The following BRINP3 variants were observed in gnomAD, a reference collection of about 807,000 sequenced individuals.
BRINP3 encodes the protein BMP/retinoic acid inducible neural specific 3, also known as BMP/retinoic acid-inducible neural-specific protein 3.
A neutral mutation model predicts 71.0 loss-of-function variants in BRINP3; 19 were observed. That is an observed-to-expected ratio of 0.27 (90% CI 0.19 to 0.39). The LOEUF (loss-of-function observed/expected upper bound fraction) is 0.39. Ranked by LOEUF, BRINP3 falls within the 10% of genes least tolerant of loss-of-function variation. The pLI is 1.00. For synonymous variants in BRINP3, 380 were observed against 337.7 expected (o/e 1.13, Z -1.37); for missense variants, 959 against 940.8 (o/e 1.02, Z -0.25).
rs1426543429 is a variant in BRINP3, at chr1:190,288,636, CTT to C, written c.237-6888_237-6887del. ...ACATTTTGAAGTAAAATTTGTAAAA[CTT>C]AACTACAGTAGTACAGATAACATGG... On this transcript the variant is annotated intron_variant, in intron 2 of 7. Coordinates refer to ENST00000367462, the MANE Select transcript of BRINP3 (RefSeq NM_199051.3). 2.0e-5 allele frequency among the ~76,000 whole-genome samples: 3 copies of C among 151,850 alleles called. No homozygotes were observed. The East Asian group carries it at 5.8e-4, about 29-fold the overall frequency.
chr1:190,132,408 T>A (rs1654616722), intron 7 of BRINP3, among the ~76,000 whole-genome samples: 1 of 152,100 alleles, frequency 6.6e-6, no homozygotes, highest in African/African-American at 2.4e-5. Flanking sequence ...TTATCTTAGA[T>A]ATTTGTATTA....
intron 2 of BRINP3, among the ~76,000 whole-genome samples, chr1:190,375,529 A>G (rs1670130022): frequency 6.6e-6 from 1 of 151,988 alleles, no homozygotes; most frequent in African/African-American, 2.4e-5. Flanking sequence ...TACAGATAAA[A>G]AGCCTAGCAT....
intron 7 of BRINP3, among the ~76,000 whole-genome samples, chr1:190,139,794 AG>A (rs1404295732): frequency 6.6e-6 from 1 of 152,174 alleles, no homozygotes; most frequent in Non-Finnish European, 1.5e-5. Flanking sequence ...GGCAACATTT[AG>A]TGTTACCTTT....
intron 2 of BRINP3, among the ~76,000 whole-genome samples, chr1:190,323,262 A>T (rs517850): frequency 0.4 from 61,046 of 151,750 alleles, 13,142 homozygotes; most frequent in Non-Finnish European, 0.49. Flanking sequence ...AATTTTTATT[A>T]TTATAATTTT....
chr1:190,292,970 T>A (rs1663981114), intron 2 of BRINP3, among the ~76,000 whole-genome samples: 1 of 152,020 alleles, frequency 6.6e-6, no homozygotes, highest in African/African-American at 2.4e-5. Flanking sequence ...TTCATCTTTT[T>A]AAAAATATTA....
intron 2 of BRINP3, among the ~76,000 whole-genome samples, chr1:190,316,531 TA>T (rs1198753490): frequency 2.6e-5 from 4 of 152,066 alleles, no homozygotes; most frequent in African/African-American, 9.7e-5. Flanking sequence ...ACACAGATAA[TA>T]TTAATATGGT....
chr1:190,431,192 C>A (rs1479574460), intron 2 of BRINP3, among the ~76,000 whole-genome samples: 1 of 152,008 alleles, frequency 6.6e-6, no homozygotes, highest in South Asian at 2.1e-4. Context: ...GAAAATTTGA[C>A]TAATACATTT....
At chr1:190,392,594 A>T (rs1671320535) in intron 2 of BRINP3, among the ~76,000 whole-genome samples, 1 of 151,654 alleles carries the variant, frequency 6.6e-6, no homozygotes, top group African/African-American at 2.4e-5. Context: ...CCTTTCCAAT[A>T]TAAAAGTTAT....
At chr1:190,460,200 T>C (rs2102655764) in intron 1 of BRINP3, among the ~76,000 whole-genome samples, 1 of 151,480 alleles carries the variant, frequency 6.6e-6, no homozygotes, top group Non-Finnish European at 1.5e-5. Context: ...TTTCAAATAA[T>C]ACGATACATA....
At chr1:190,306,655 G>T (rs1665120949) in intron 2 of BRINP3, among the ~76,000 whole-genome samples, 2 of 151,820 alleles carry the variant, frequency 1.3e-5, no homozygotes, top group East Asian at 1.9e-4. Flanking sequence ...AGTCTAGCTG[G>T]ATGGATCAGT....
At position 190,160,775 on chromosome 1, in the gene BRINP3, C is replaced by T. The variant is rs1052843669; in HGVS notation, c.1077G>A (p.Glu359=). 1.9e-6 allele frequency: 3 copies of T among 1,613,580 alleles called. No individual in the cohort carries two copies. The highest frequency in any genetic ancestry group is 1.7e-6 in the Non-Finnish European group (2 of 1,179,698). ...SNFQRRYEQL[E]NSMKQLFLKA... Reference sequence around the variant, plus strand: ...TTAGGAAAAGTTGTTTCATGCTGTTCTCCAGTTGTTCATAACGGCGCTGAA... The same window carrying T: ...TTAGGAAAAGTTGTTTCATGCTGTTTTCCAGTTGTTCATAACGGCGCTGAA... Residue 359 remains glutamate, a synonymous_variant, in exon 7 of 8, where the codon GAG becomes GAA. Coordinates refer to ENST00000367462, the MANE Select transcript of BRINP3 (RefSeq NM_199051.3).
chr1:190,459,486 C>T (rs904939686), intron 1 of BRINP3, among the ~76,000 whole-genome samples: 32 of 151,662 alleles, frequency 2.1e-4, no homozygotes, highest in East Asian at 1.7e-3. Context: ...TCCAGTAGAA[C>T]TGAAACTACA....
chr1:190,351,185 C>CT (rs534957246), intron 2 of BRINP3, among the ~76,000 whole-genome samples: 43 of 151,904 alleles, frequency 2.8e-4, no homozygotes, highest in Middle Eastern at 6.8e-3. Flanking sequence ...GAATAAAAAC[C>CT]TTTTCTCATT....
At chr1:190,101,697 T>A (rs1171570321) in intron 7 of BRINP3, among the ~76,000 whole-genome samples, 1 of 152,186 alleles carries the variant, frequency 6.6e-6, no homozygotes, top group Non-Finnish European at 1.5e-5. Context: ...TATATTTTCT[T>A]CCCTGAAACC....
chr1:190,173,045 T>C (rs1177733014), intron 6 of BRINP3, among the ~76,000 whole-genome samples: 2 of 152,218 alleles, frequency 1.3e-5, no homozygotes, highest in Non-Finnish European at 2.9e-5. Context: ...CTTCTCTACA[T>C]CTTCATGTGA....
chr1:190,277,428 T>C (rs1433693030), intron 3 of BRINP3, among the ~76,000 whole-genome samples: 1 of 151,514 alleles, frequency 6.6e-6, no homozygotes, highest in East Asian at 2.0e-4. Context: ...GATAACGCTA[T>C]ATAATTCAGG....
At chr1:190,250,637 G>C (rs570388359) in intron 4 of BRINP3, among the ~76,000 whole-genome samples, 3 of 152,044 alleles carry the variant, frequency 2.0e-5, no homozygotes, top group Middle Eastern at 3.4e-3. Flanking sequence ...TAGGAAATAA[G>C]AGACTCTCCA....
At chr1:190,162,418 C>T (rs1332996975) in intron 6 of BRINP3, among the ~76,000 whole-genome samples, 2 of 152,026 alleles carry the variant, frequency 1.3e-5, no homozygotes, top group African/African-American at 4.8e-5. Context: ...GCTGGGATTA[C>T]AGGAGTAGAG....
intron 6 of BRINP3, among the ~76,000 whole-genome samples, chr1:190,192,002 A>T (rs952432292): frequency 1.3e-5 from 2 of 151,554 alleles, no homozygotes; most frequent in Admixed American, 6.6e-5. Flanking sequence ...TTCAAGATTT[A>T]AAAAAAAATC....
Sources: gnomAD v4.1 joint callset for allele counts (sites outside exome capture counted in the v4.1 genomes callset) on GRCh38, gnomAD v4.1.1 for gene constraint, MANE v1.5 for transcripts, NCBI Gene and HGNC (gene_info 2026-07-23, HGNC 2026-07-21) for gene names.